The following RPTOR variants were observed in gnomAD, a reference collection of about 807,000 sequenced individuals.
The protein encoded by RPTOR is regulatory associated protein of MTOR complex 1.
RPTOR carries 21 observed loss-of-function variants against 169.9 expected under a neutral mutation model. The ratio of observed to expected loss-of-function variants is 0.12; its 90% confidence interval spans 0.09 to 0.18. The LOEUF (loss-of-function observed/expected upper bound fraction) is 0.18. Ranked by LOEUF, RPTOR falls within the 10% of genes least tolerant of loss-of-function variation. The pLI is 1.00. For synonymous variants in RPTOR, 732 were observed against 753.2 expected (o/e 0.97, Z 0.46); for missense variants, 1,133 against 1,855.9 (o/e 0.61, Z 7.16).
intron 1 of RPTOR, among the ~76,000 whole-genome samples, chr17:80,560,189 G>A (rs1186213965): frequency 6.6e-6 from 1 of 152,212 alleles, no homozygotes; most frequent in East Asian, 1.9e-4. Flanking sequence ...ACATTGAGAT[G>A]GTGTCTGTTC....
chr17:80,727,463 G>A lies in RPTOR; in HGVS notation c.508-3097G>A, dbSNP rs551162494. On this transcript the variant is annotated intron_variant, in intron 4 of 33. Transcript: ENST00000306801. ...AACACTGCACCTCTGACCACGTCAC[G>A]CCCCGAGAACGTGGACGCTGCACCT... Among the ~76,000 whole-genome samples, 11 of 149,892 alleles carry A rather than the reference G, an allele frequency of 7.3e-5. No individual in the cohort carries two copies. In the East Asian group the frequency reaches 9.9e-4, roughly 13 times the overall value.
intron 13 of RPTOR, among the ~76,000 whole-genome samples, chr17:80,865,336 G>A (rs79615575): frequency 0.027 from 4,053 of 152,250 alleles, 165 homozygotes; most frequent in African/African-American, 0.087. Context: ...GAGACTGAAC[G>A]CCACAATGAG....
intron 3 of RPTOR, among the ~76,000 whole-genome samples, chr17:80,674,020 A>G (rs962382894): frequency 3.9e-5 from 6 of 152,218 alleles, no homozygotes; most frequent in Admixed American, 2.6e-4. Flanking sequence ...TGTCCACTTG[A>G]AAACTACTGA....
chr17:80,658,410 G>A (rs1429938490), intron 3 of RPTOR, among the ~76,000 whole-genome samples: 1 of 151,994 alleles, frequency 6.6e-6, no homozygotes, highest in South Asian at 2.1e-4. Context: ...AAGTTTAAAG[G>A]TGTTTTTCCC....
intron 11 of RPTOR, among the ~76,000 whole-genome samples, chr17:80,854,536 G>A (rs2067831254): frequency 1.3e-5 from 2 of 152,220 alleles, no homozygotes; most frequent in South Asian, 4.1e-4. Context: ...TTATCTTAGT[G>A]GAAAAGAATC....
chr17:80,780,125 A>T (rs934597636), intron 6 of RPTOR, among the ~76,000 whole-genome samples: 1 of 152,150 alleles, frequency 6.6e-6, no homozygotes, highest in Non-Finnish European at 1.5e-5. Flanking sequence ...TATTAAGTTA[A>T]TGGGCACAGA....
chr17:80,897,028 A>G (rs2143892887), intron 20 of RPTOR, among the ~76,000 whole-genome samples: 1 of 152,342 alleles, frequency 6.6e-6, no homozygotes, highest in Non-Finnish European at 1.5e-5. Flanking sequence ...TGGGAGGCGG[A>G]GGCCGAGACG....
intron 1 of RPTOR, among the ~76,000 whole-genome samples, chr17:80,554,769 A>AAACAAC (rs144728806): frequency 6.7e-5 from 10 of 148,898 alleles, no homozygotes; most frequent in East Asian, 4.0e-4. Context: ...AAAACAAAAC[A>AAACAAC]AACAACAACA....
At chr17:80,814,709 G>A (rs1190204088) in intron 7 of RPTOR, among the ~76,000 whole-genome samples, 1 of 152,118 alleles carries the variant, frequency 6.6e-6, no homozygotes, top group Admixed American at 6.5e-5. Flanking sequence ...TTCTGTATTC[G>A]ACTTTCACGC....
intron 5 of RPTOR, among the ~76,000 whole-genome samples, chr17:80,745,521 T>C (rs1427975435): frequency 3.9e-5 from 2 of 51,536 alleles, no homozygotes; most frequent in African/African-American, 9.7e-5. Flanking sequence ...ATTAAAAATA[T>C]GATTTCTGCT....
At chr17:80,627,230 G>C (rs758949627) in intron 2 of RPTOR, among the ~76,000 whole-genome samples, 1 of 152,192 alleles carries the variant, frequency 6.6e-6, no homozygotes, top group African/African-American at 2.4e-5. Flanking sequence ...ATTTTGGCCA[G>C]GCTGGTCTCA....
intron 6 of RPTOR, among the ~76,000 whole-genome samples, chr17:80,760,159 CT>C (rs1031104193): frequency 3.3e-5 from 5 of 152,078 alleles, no homozygotes. Flanking sequence ...GTCGGCAGAC[CT>C]GGTTCTGTGA....
chr17:80,813,224 G>A (rs145031928), intron 7 of RPTOR, among the ~76,000 whole-genome samples: 31 of 152,326 alleles, frequency 2.0e-4, no homozygotes, highest in African/African-American at 6.5e-4. Context: ...ATGTTACAGA[G>A]CGCTGAATTG....
intron 1 of RPTOR, among the ~76,000 whole-genome samples, chr17:80,598,256 A>T (rs118182693): frequency 6.6e-6 from 1 of 152,168 alleles, no homozygotes; most frequent in Admixed American, 6.5e-5. Context: ...CCATTTCAAC[A>T]TGGAGGAGTA....
intron 11 of RPTOR, among the ~76,000 whole-genome samples, chr17:80,854,063 A>G (rs2672893): frequency 0.81 from 123,437 of 152,084 alleles, 50,329 homozygotes; most frequent in South Asian, 0.88. Flanking sequence ...TAACTTATAA[A>G]GAACTCTGAC....
At chr17:80,745,621 A>G (rs1388474959) in intron 5 of RPTOR, among the ~76,000 whole-genome samples, 2 of 152,236 alleles carry the variant, frequency 1.3e-5, no homozygotes, top group Non-Finnish European at 1.5e-5. Flanking sequence ...TAAGTAATAC[A>G]CTGACTCCTT....
intron 17 of RPTOR, among the ~76,000 whole-genome samples, chr17:80,890,145 C>G (rs2068302251): frequency 6.6e-6 from 1 of 152,228 alleles, no homozygotes; most frequent in Non-Finnish European, 1.5e-5. Flanking sequence ...TGAGTGCTCT[C>G]TGGACATTCC....
At chr17:80,664,947 G>C (rs2065752288) in intron 3 of RPTOR, among the ~76,000 whole-genome samples, 1 of 152,020 alleles carries the variant, frequency 6.6e-6, no homozygotes, top group South Asian at 2.1e-4. Context: ...AAATGTTTTG[G>C]CTTTTTTCTC....
chr17:80,894,214 C>G (rs114518835), intron 20 of RPTOR, among the ~76,000 whole-genome samples: 2,826 of 152,232 alleles, frequency 0.019, 84 homozygotes, highest in African/African-American at 0.065. Flanking sequence ...AACGGTGGTT[C>G]TCAGCCGGGG....
Sources: gnomAD v4.1 joint callset for allele counts (sites outside exome capture counted in the v4.1 genomes callset) on GRCh38, gnomAD v4.1.1 for gene constraint, MANE v1.5 for transcripts, NCBI Gene and HGNC (gene_info 2026-07-23, HGNC 2026-07-21) for gene names.